The following PKHD1 variants were observed in gnomAD, a reference collection of about 807,000 sequenced individuals.
The protein encoded by PKHD1 is PKHD1 ciliary IPT domain containing fibrocystin/polyductin.
A neutral mutation model predicts 412.0 loss-of-function variants in PKHD1; 291 were observed. The observed-to-expected ratio is 0.71, with a 90% CI of 0.64 to 0.78. PKHD1 has a LOEUF of 0.78. PKHD1 is among the 30% of genes least tolerant of loss of function. The pLI is 0.00. For missense variants in PKHD1, 4,825 were observed against 4,950.7 expected, an observed-to-expected ratio of 0.97 and a Z score of 0.76; for synonymous variants, 1,777 against 1,821.5, an observed-to-expected ratio of 0.98 and a Z score of 0.62.
intron 52 of PKHD1, among the ~76,000 whole-genome samples, chr6:51,805,283 A>C (rs968718103): frequency 6.6e-5 from 10 of 152,196 alleles, no homozygotes; most frequent in Non-Finnish European, 1.2e-4. Context: ...CAGGAACAGA[A>C]AACTAAATAC....
At chr6:51,623,795 T>G (rs1289401275) in intron 66 of PKHD1, among the ~76,000 whole-genome samples, 3 of 152,088 alleles carry the variant, frequency 2.0e-5, no homozygotes, top group Non-Finnish European at 2.9e-5. Context: ...CCACATTGGC[T>G]AGGCTGGTAT....
At chr6:51,775,778 T>C (rs1158498747) in intron 54 of PKHD1, 30 bp downstream of exon 54, 1 of 1,038,592 alleles carries the variant, frequency 9.6e-7, no homozygotes, top group Non-Finnish European at 1.5e-6. Context: ...ATGCATTTTA[T>C]TTTTAATAAA....
rs1772430275 is a variant in PKHD1 at position 51,659,312 on chromosome 6, T to C, written c.10814A>G (p.Glu3605Gly). The change falls in exon 61 of 67, where the codon GAA (glutamate) becomes GGA (glycine). Residue 3605 changes from glutamate to glycine, a missense_variant. By Grantham distance (98) the Glu-to-Gly change is moderately conservative (BLOSUM62 -2). Transcript: ENST00000371117. Reference sequence around the variant, plus strand: ...GTCAGCAATGGCCTTTAAGGTCTCTTCATGGCCAGGCATCTCGTGAATAAA... The same window carrying C: ...GTCAGCAATGGCCTTTAAGGTCTCTCCATGGCCAGGCATCTCGTGAATAAA... Reference protein sequence around the residue: ...IRFIHEMPGHEETLKAIADSR... With the variant: ...IRFIHEMPGHGETLKAIADSR... 1 of 1,613,914 alleles carries C rather than the reference T, an allele frequency of 6.2e-7. No homozygotes were observed.
intron 35 of PKHD1, among the ~76,000 whole-genome samples, chr6:51,987,189 A>G (rs1183494912): frequency 3.3e-5 from 5 of 152,242 alleles, no homozygotes; most frequent in Non-Finnish European, 5.9e-5. Context: ...ACTCACTTCA[A>G]TACCCCCATT....
chr6:51,852,611 T>C (rs1772489544), intron 49 of PKHD1, among the ~76,000 whole-genome samples: 1 of 152,194 alleles, frequency 6.6e-6, no homozygotes, highest in Non-Finnish European at 1.5e-5. Context: ...TATATTTAGA[T>C]AGTTAGCGTT....
chr6:51,719,270 AC>A (rs1781628013), intron 60 of PKHD1, among the ~76,000 whole-genome samples: 1 of 152,080 alleles, frequency 6.6e-6, no homozygotes, highest in Non-Finnish European at 1.5e-5. Context: ...GTGCAGTGGC[AC>A]AATCACGGCT....
intron 60 of PKHD1, among the ~76,000 whole-genome samples, chr6:51,671,206 T>G (rs1426102732): frequency 6.6e-6 from 1 of 152,094 alleles, no homozygotes; most frequent in African/African-American, 2.4e-5. Context: ...AGATTTGGTC[T>G]TTTCACATAG....
chr6:51,933,390 G>C (rs892337600), intron 37 of PKHD1, among the ~76,000 whole-genome samples: 14 of 152,274 alleles, frequency 9.2e-5, no homozygotes, highest in Admixed American at 6.5e-5. Flanking sequence ...CCTGCTCATG[G>C]GGTAGAGGGT....
chr6:51,839,886 A>T (rs1238695490), intron 50 of PKHD1, among the ~76,000 whole-genome samples: 5 of 151,840 alleles, frequency 3.3e-5, no homozygotes, highest in Admixed American at 3.3e-4. Context: ...AAGAACATAA[A>T]ACAGCAACTG....
At chr6:51,631,621 C>T (rs1767927028) in intron 65 of PKHD1, among the ~76,000 whole-genome samples, 1 of 152,052 alleles carries the variant, frequency 6.6e-6, no homozygotes, top group Non-Finnish European at 1.5e-5. Flanking sequence ...CCTAGTAAGA[C>T]AAGTATTTCT....
chr6:52,032,782 A>T (rs1472722209), intron 29 of PKHD1, among the ~76,000 whole-genome samples: 1 of 152,212 alleles, frequency 6.6e-6, no homozygotes, highest in Non-Finnish European at 1.5e-5. Flanking sequence ...TTTGAATTGT[A>T]ACTTTTGAAT....
chr6:51,719,023 C>G (rs9395709), intron 60 of PKHD1, among the ~76,000 whole-genome samples: 47,187 of 151,918 alleles, frequency 0.31, 9,048 homozygotes, highest in East Asian at 0.56. Flanking sequence ...GAACAACATC[C>G]TAGCTGGCTA....
At chr6:51,703,783 A>G (rs1462241037) in intron 60 of PKHD1, among the ~76,000 whole-genome samples, 1 of 152,062 alleles carries the variant, frequency 6.6e-6, no homozygotes, top group African/African-American at 2.4e-5. Context: ...CTCTTCAAAT[A>G]TCAACTACAT....
chr6:51,912,681 T>C, intron 37 of PKHD1, 105 bp from the exon 38 acceptor site: 1 of 827,646 alleles, frequency 1.2e-6, no homozygotes, highest in Non-Finnish European at 2.1e-6. Context: ...AAGAATCCCA[T>C]AAAATAAGAC....
intron 36 of PKHD1, among the ~76,000 whole-genome samples, chr6:51,950,477 A>C (rs1485027913): frequency 6.6e-6 from 1 of 152,056 alleles, no homozygotes; most frequent in Non-Finnish European, 1.5e-5. Context: ...TCACAATTCC[A>C]TAGGGCTCCT....
chr6:51,926,984 TAACTC>T (rs1299692792), intron 37 of PKHD1, among the ~76,000 whole-genome samples: 2 of 152,194 alleles, frequency 1.3e-5, no homozygotes, highest in African/African-American at 4.8e-5. Context: ...TTGCTGATGT[TAACTC>T]AACTGTGTAA....
intron 60 of PKHD1, among the ~76,000 whole-genome samples, chr6:51,723,074 A>C (rs541980595): frequency 6.6e-6 from 1 of 152,354 alleles, no homozygotes; most frequent in East Asian, 1.9e-4. Flanking sequence ...GCATCCTAAA[A>C]CAGGGAGAAA....
intron 54 of PKHD1, among the ~76,000 whole-genome samples, chr6:51,773,561 T>C (rs1026589072): frequency 7.3e-5 from 11 of 151,490 alleles, no homozygotes; most frequent in Non-Finnish European, 4.4e-5. Flanking sequence ...ATAAAAAATA[T>C]ACACATATAT....
chr6:51,759,937 A>C (rs988201519), intron 55 of PKHD1, among the ~76,000 whole-genome samples: 8 of 152,092 alleles, frequency 5.3e-5, no homozygotes, highest in African/African-American at 1.9e-4. Flanking sequence ...CCTACCTTCC[A>C]AACATATGCC....
Sources: allele counts gnomAD v4.1 joint callset (sites outside exome capture counted in the v4.1 genomes callset), GRCh38; gene constraint gnomAD v4.1.1; transcripts MANE v1.5; gene names NCBI Gene and HGNC (gene_info 2026-07-23, HGNC 2026-07-21).